PSMC3: variants seen among roughly 807,000 people sequenced by gnomAD.
PSMC3 encodes proteasome 26S subunit, ATPase 3, also known as 26S proteasome regulatory subunit 6A.
In PSMC3, 11 loss-of-function variants were observed where a neutral mutation model predicts 52.0. That is an observed-to-expected ratio of 0.21 (90% CI 0.13 to 0.35). The LOEUF (loss-of-function observed/expected upper bound fraction) is 0.35. Among genes scored for constraint, PSMC3 ranks in the 10% least tolerant of loss-of-function variants. The pLI, the probability that PSMC3 is intolerant of heterozygous loss-of-function variation, is 1.00. For synonymous variants in PSMC3, 201 were observed against 218.8 expected, an observed-to-expected ratio of 0.92 and a Z score of 0.72; for missense variants, 238 against 567.1, an observed-to-expected ratio of 0.42 and a Z score of 5.89.
chr11:47,420,777 GC>G, intron 8 of PSMC3, 50 bp from the exon 9 acceptor site: 2 of 1,497,832 alleles, frequency 1.3e-6, no homozygotes, highest in Non-Finnish European at 1.8e-6. Context: ...CTTAGGCAGA[GC>G]CCTCCCCTCC....
At position 47,425,415 on chromosome 11, in the gene PSMC3, A is replaced by G. The variant is rs2096045254; in HGVS notation, c.160-169T>C. ...ACTGTGTCCACATCCTGCAGAAGTC[A>G]AAAGAGGAGGCCAGTTTGGAAACCT... On this transcript the variant is annotated intron_variant, in intron 2 of 11. Transcript: ENST00000298852. The G allele has an allele frequency of 5.0e-6, 4 of 798,282 alleles. No individual in the cohort carries two copies. The South Asian group carries it at 7.1e-5, about 14-fold the overall frequency. 49.4% of individuals were successfully genotyped at this position (798,282 alleles called of 1,614,324 possible).
At chr11:47,423,919 G>T in intron 6 of PSMC3, 127 bp downstream of exon 6, 9 of 1,331,478 alleles carry the variant, frequency 6.8e-6, no homozygotes, top group Non-Finnish European at 9.5e-6. Context: ...CCTGTCACAT[G>T]GCACCCCTCC....
chr11:47,419,415 T>C (rs532420754), intron 10 of PSMC3, among the ~76,000 whole-genome samples: 7 of 152,316 alleles, frequency 4.6e-5, no homozygotes, highest in Non-Finnish European at 5.9e-5. Flanking sequence ...CTAGGGTCTC[T>C]TGAGCTCTGG....
chr11:47,423,730 G>A (rs185822751), intron 6 of PSMC3, among the ~76,000 whole-genome samples: 116 of 152,078 alleles, frequency 7.6e-4, no homozygotes, highest in Middle Eastern at 3.4e-3. Flanking sequence ...CAGAGGTTGC[G>A]GTGAGCCGAG....
rs377706475 is a variant in PSMC3 at position 47,424,831 on chromosome 11, A to T, written c.286-120T>A. The stretch of plus-strand genomic sequence containing the variant: ...TCCCTCCTCCAATAGCCCTGAGCCC[A>T]CCAAACGTGGGTGCCCCTGCTAAGC... On this transcript the variant is annotated intron_variant, in intron 3 of 11. Transcript: ENST00000298852. The surrounding 1 kb of genome is among the most constrained non-coding windows in gnomAD (Gnocchi z 4.8). The T allele has an allele frequency of 6.2e-5, 60 of 962,570 alleles. No homozygotes were observed. In the South Asian group the frequency reaches 7.1e-4, roughly 11 times the overall value. 59.6% of individuals were successfully genotyped at this position (962,570 alleles called of 1,614,324 possible).
At chr11:47,423,992 G>A (rs544694033) in intron 6 of PSMC3, 54 bp downstream of exon 6, 142 of 1,611,898 alleles carry the variant, frequency 8.8e-5, no homozygotes, top group African/African-American at 1.9e-4. Flanking sequence ...CATCAATGGC[G>A]TGGAGAAACT....
At chr11:47,420,133 G>A (rs1046498911) in intron 10 of PSMC3, 131 bp downstream of exon 10, 12 of 1,079,444 alleles carry the variant, frequency 1.1e-5, no homozygotes, top group East Asian at 2.5e-5. Context: ...CGTGTGGAAC[G>A]GTGCTGTGTG....
rs1349116477 is a variant in PSMC3 at position 47,421,358 on chromosome 11, TG to T, written c.885-632del. On this transcript the variant is annotated intron_variant, in intron 8 of 11. Coordinates refer to ENST00000298852, the MANE Select transcript of PSMC3 (RefSeq NM_002804.5). Reference sequence around the variant, plus strand: ...GCTAACGCTTAAAAACACAGGTATCTGGCCCAGCCTTGGACGGTGCTGTACA... The same window carrying T: ...GCTAACGCTTAAAAACACAGGTATCTGCCCAGCCTTGGACGGTGCTGTACA... Among the ~76,000 whole-genome samples, 7 of 151,348 alleles carry T rather than the reference TG, an allele frequency of 4.6e-5. No homozygotes were observed. The South Asian group carries it at 6.3e-4, about 14-fold the overall frequency.
At chr11:47,421,013 G>A (rs1398964291) in intron 8 of PSMC3, among the ~76,000 whole-genome samples, 1 of 152,148 alleles carries the variant, frequency 6.6e-6, no homozygotes, top group East Asian at 1.9e-4. Context: ...GGGAGGCCAA[G>A]GTGGGCCTAT....
intron 1 of PSMC3, 119 bp downstream of exon 1, chr11:47,426,086 A>G (rs1248147960): frequency 7.0e-7 from 1 of 1,426,650 alleles, no homozygotes; most frequent in African/African-American, 1.4e-5. Context: ...CCCACATCCC[A>G]AACAACCCCG....
Position 47,422,747 on chromosome 11 carries a change from A to G in PSMC3, c.736-25T>C, listed in dbSNP as rs1362289321. On this transcript the variant is annotated intron_variant, in intron 7 of 11. Coordinates refer to ENST00000298852, the MANE Select transcript of PSMC3 (RefSeq NM_002804.5). The surrounding 1 kb of genome is among the most constrained non-coding windows in gnomAD (Gnocchi z 4.3). ...CCTGGCAGGAAAAGGTGGTAGAGTC[A>G]GGTCAAAGGCAGACCCTTTGAGCCC... 3 of 1,613,810 alleles carry G rather than the reference A, an allele frequency of 1.9e-6. No homozygotes were observed. In the African/African-American group the frequency reaches 4.0e-5, roughly 22 times the overall value.
At chr11:47,425,389 G>T in intron 2 of PSMC3, 143 bp from the exon 3 acceptor site, 1 of 1,014,974 alleles carries the variant, frequency 9.9e-7, no homozygotes. Context: ...GGCAGAGTCT[G>T]ACTGTGTCCA....
chr11:47,425,890 G>A lies in PSMC3; in HGVS notation c.136C>T (p.Arg46Trp), dbSNP rs1280839186. The change falls in exon 2 of 12, where the codon CGG becomes TGG. Residue 46 changes from arginine (R) to tryptophan (W), a missense_variant. Around this residue, in one of 6 missense-constraint regions of PSMC3, gnomAD observed 48 missense variants for 63.4 expected, o/e 0.76. Transcript: ENST00000298852. ...MSTEEIIQRTRLLDSEIKIMK... is the reference protein window; with the variant it reads ...MSTEEIIQRTWLLDSEIKIMK... ...ACCTTGATCTCACTGTCCAGCAGCC[G>A]TGTGCGCTGGATGATCTCCTCCGTG... 6.2e-7 allele frequency: 1 copy of A among 1,613,926 alleles called. No homozygotes were observed. The highest frequency in any genetic ancestry group is 1.1e-5 in the South Asian group (1 of 91,078).
At position 47,422,584 on chromosome 11, in the gene PSMC3, C is replaced by T; in HGVS notation, c.874G>A (p.Gly292Ser). The T allele has an allele frequency of 6.2e-7, 1 of 1,614,098 alleles. No individual in the cohort carries two copies. The highest frequency in any genetic ancestry group is 2.2e-5 in the East Asian group (1 of 44,880). ...IIFIDELDAI[G>S]TKRFDSEKAG... ...TTGGCCCTCCCTTACCGCTTGGTGC[C>T]GATGGCATCCAACTCATCAATGAAG... Residue 292 changes from glycine (G) to serine (S), a missense_variant, in exon 8 of 12, where the codon GGC becomes AGC. Transcript: ENST00000298852. This position sits in a 1 kb window ranked among gnomAD's most constrained non-coding sequence, Gnocchi z 4.3.
Position 47,424,780 on chromosome 11 carries a change from T to A in PSMC3, c.286-69A>T, listed in dbSNP as rs1382098641. On this transcript the variant is annotated intron_variant, in intron 3 of 11. Coordinates refer to ENST00000298852, the MANE Select transcript of PSMC3 (RefSeq NM_002804.5). This position sits in a 1 kb window ranked among gnomAD's most constrained non-coding sequence, Gnocchi z 4.8. ...CAGTGCTTCCTAAGACAGTTCCTAATACCTGCAGGGCTGGCCATCCTTACC... is the reference window on the plus strand; with the variant it reads ...CAGTGCTTCCTAAGACAGTTCCTAAAACCTGCAGGGCTGGCCATCCTTACC... 1.5e-6 allele frequency: 2 copies of A among 1,349,852 alleles called. No homozygotes were observed. Among genetic ancestry groups the A allele is most frequent in the African/African-American group, 2.9e-5 (2 of 69,406 alleles). The allele number at this position is 1,349,852 out of a possible 1,614,324, so 83.6% of individuals were successfully genotyped here.
chr11:47,424,815 C>A lies in PSMC3; in HGVS notation c.286-104G>T. ...GCTGGCCATCCTTACCTCCCTCCTC[C>A]AATAGCCCTGAGCCCACCAAACGTG... is the stretch of plus-strand genomic sequence containing the variant. On this transcript the variant is annotated intron_variant, in intron 3 of 11. Coordinates refer to ENST00000298852, the MANE Select transcript of PSMC3 (RefSeq NM_002804.5). The surrounding 1 kb of genome is among the most constrained non-coding windows in gnomAD (Gnocchi z 4.8). 9.4e-7 allele frequency: 1 copy of A among 1,061,104 alleles called. No individual in the cohort carries two copies. The highest frequency in any genetic ancestry group is 2.5e-5 in the East Asian group (1 of 40,474). 65.7% of individuals were successfully genotyped at this position (1,061,104 alleles called of 1,614,324 possible).
At chr11:47,425,049 C>T in intron 3 of PSMC3, 72 bp downstream of exon 3, 1 of 1,599,060 alleles carries the variant, frequency 6.3e-7, no homozygotes. Flanking sequence ...CCACTCTTTC[C>T]CTAGTGGCCC....
rs182451223 is a variant in PSMC3 at position 47,424,370 on chromosome 11, G to A, written c.453+59C>T. On this transcript the variant is annotated intron_variant, in intron 5 of 11. Transcript: ENST00000298852. This position sits in a 1 kb window ranked among gnomAD's most constrained non-coding sequence, Gnocchi z 4.8. ...TTCAGAGCCAACAGTGACCTGGGGC[G>A]GGTACAGGGGCTCAGCTAGTCACCA... The A allele has an allele frequency of 7.5e-5, 118 of 1,582,870 alleles. No homozygotes were observed. The African/African-American group carries it at 1.3e-3, about 18-fold the overall frequency.
At position 47,423,968 on chromosome 11, in the gene PSMC3, A is replaced by T. The variant is rs1595892540; in HGVS notation, c.591+78T>A. 4 of 1,594,132 alleles carry T rather than the reference A, an allele frequency of 2.5e-6. No homozygotes were observed. In the East Asian group the frequency reaches 8.9e-5, roughly 36 times the overall value. On this transcript the variant is annotated intron_variant, in intron 6 of 11. Transcript: ENST00000298852. The stretch of plus-strand genomic sequence containing the variant: ...TTGCTATGAGGATGAAAGACACATT[A>T]GGGAGATGAGCTGCATCAATGGCGT...
Sources: allele counts gnomAD v4.1 joint callset (sites outside exome capture counted in the v4.1 genomes callset), GRCh38; gene constraint gnomAD v4.1.1; regional missense constraint gnomAD v4.1.1; non-coding constraint Gnocchi (gnomAD v3.1); transcripts MANE v1.5; gene names NCBI Gene and HGNC (gene_info 2026-07-23, HGNC 2026-07-21).